Variants in ACTR3C observed in about 807,000 individuals in gnomAD.
ACTR3C encodes the protein actin-related protein 3C.
ACTR3C carries 18 observed loss-of-function variants against 26.3 expected under a neutral mutation model. The observed-to-expected ratio is 0.68, with a 90% confidence interval of 0.47 to 1.01. The LOEUF is 1.01. ACTR3C is among the 50% of genes least tolerant of loss of function. The pLI, the probability that ACTR3C is intolerant of heterozygous loss-of-function variation, is 0.00. For synonymous variants in ACTR3C, 55 were observed against 94.5 expected (o/e 0.58, Z 2.42); for missense variants, 184 against 250.7 (o/e 0.73, Z 1.80).
chr7:150,003,458 G>A, the ACTR3C span, among the ~76,000 whole-genome samples: 9 of 152,274 alleles, frequency 5.9e-5, no homozygotes, highest in Non-Finnish European at 1.2e-4. Flanking sequence ...GGGGTGTGTA[G>A]TATGTGTTGT....
rs759969034 is a variant in ACTR3C, at chr7:150,299,464, C to CAAAAAA, written c.-51-4123_-51-4118dup. ...CTTGGACAACATAGAGACCCCCTCT[C>CAAAAAA]AAAAAAAAAAAAAAAAAAAAAAAAA... is the stretch of plus-strand genomic sequence containing the variant. On this transcript the variant is annotated intron_variant, in intron 1 of 7. Coordinates refer to ENST00000683684, the MANE Select transcript of ACTR3C (RefSeq NM_001164458.2). 7.9e-3 allele frequency among the ~76,000 whole-genome samples: 111 copies of CAAAAAA among 14,112 alleles called. 2 individuals carry two copies. The highest frequency in any genetic ancestry group is 0.012 in the African/African-American group (54 of 4,556). 9.3% of individuals were successfully genotyped at this position (14,112 alleles called of 152,430 possible).
At chr7:150,049,305 C>T in the ACTR3C span, among the ~76,000 whole-genome samples, 10 of 152,110 alleles carry the variant, frequency 6.6e-5, no homozygotes, top group African/African-American at 2.2e-4. Flanking sequence ...CTCGTCCCCA[C>T]GTCCTCCTTG....
chr7:150,234,529 T>C, the ACTR3C span, among the ~76,000 whole-genome samples: 3 of 151,988 alleles, frequency 2.0e-5, no homozygotes, highest in African/African-American at 7.3e-5. Flanking sequence ...ATTCCAAGAG[T>C]GTGACCCCAG....
intron 6 of ACTR3C, among the ~76,000 whole-genome samples, chr7:150,251,286 T>G (rs1832836291): frequency 6.6e-6 from 1 of 152,222 alleles, no homozygotes; most frequent in Non-Finnish European, 1.5e-5. Flanking sequence ...TCTGATTACT[T>G]TATTGGTTGT....
At chr7:150,158,392 T>G in the ACTR3C span, among the ~76,000 whole-genome samples, 1 of 152,140 alleles carries the variant, frequency 6.6e-6, no homozygotes, top group African/African-American at 2.4e-5. Context: ...AAGACATAAC[T>G]GCACTCCCAT....
the ACTR3C span, among the ~76,000 whole-genome samples, chr7:150,036,996 GC>G: frequency 2.9e-3 from 36 of 12,454 alleles, no homozygotes; most frequent in Admixed American, 5.4e-3. Context: ...GGGTGCCTCC[GC>G]CCCCCTGCGA....
intron 6 of ACTR3C, among the ~76,000 whole-genome samples, chr7:150,263,905 C>G (rs1408871632): frequency 3.9e-5 from 6 of 152,182 alleles, no homozygotes; most frequent in Non-Finnish European, 7.3e-5. Context: ...ATGGCTGAAT[C>G]TTTATTTTCA....
chr7:150,015,582 G>C, the ACTR3C span, among the ~76,000 whole-genome samples: 1 of 152,026 alleles, frequency 6.6e-6, no homozygotes, highest in Non-Finnish European at 1.5e-5. Flanking sequence ...ACACTTTCTG[G>C]AGGTTTTGAC....
At chr7:149,941,571 TA>T in the ACTR3C span, among the ~76,000 whole-genome samples, 1 of 152,226 alleles carries the variant, frequency 6.6e-6, no homozygotes, top group African/African-American at 2.4e-5. Context: ...CTCAGCCACA[TA>T]ACCGAGTTCA....
the ACTR3C span, among the ~76,000 whole-genome samples, chr7:150,064,684 ACG>A: frequency 6.7e-6 from 1 of 148,602 alleles, no homozygotes; most frequent in African/African-American, 2.5e-5. Context: ...ACACACACAC[ACG>A]TAATCCTGGC....
chr7:150,308,542 T>A (rs1796005541), intron 1 of ACTR3C, among the ~76,000 whole-genome samples: 1 of 151,994 alleles, frequency 6.6e-6, no homozygotes, highest in Admixed American at 6.6e-5. Context: ...ATGCAGCTCA[T>A]CCCAAATCCT....
At chr7:149,940,960 C>T in the ACTR3C span, among the ~76,000 whole-genome samples, 1 of 151,924 alleles carries the variant, frequency 6.6e-6, no homozygotes, top group East Asian at 1.9e-4. Flanking sequence ...CCTGGGGCCC[C>T]TTAAGTCTAA....
At chr7:150,165,574 A>G in the ACTR3C span, among the ~76,000 whole-genome samples, 1 of 152,088 alleles carries the variant, frequency 6.6e-6, no homozygotes, top group African/African-American at 2.4e-5. Context: ...TTCTCCCACC[A>G]CAAATAGGCT....
the ACTR3C span, among the ~76,000 whole-genome samples, chr7:149,943,703 T>G: frequency 3.7e-4 from 56 of 151,996 alleles, no homozygotes; most frequent in African/African-American, 1.4e-3. Context: ...CAAAACTCCA[T>G]CTTAAAATAA....
the ACTR3C span, among the ~76,000 whole-genome samples, chr7:150,070,602 C>T: frequency 1.3e-5 from 2 of 151,942 alleles, no homozygotes; most frequent in Non-Finnish European, 2.9e-5. Context: ...AGGTGTGCGC[C>T]GCCACGCCTG....
the ACTR3C span, among the ~76,000 whole-genome samples, chr7:150,203,528 A>C: frequency 6.6e-6 from 1 of 152,152 alleles, no homozygotes; most frequent in African/African-American, 2.4e-5. Context: ...TAGCACTGAC[A>C]ATTTACATAC....
the ACTR3C span, among the ~76,000 whole-genome samples, chr7:149,951,494 A>AG: frequency 6.7e-6 from 1 of 149,048 alleles, no homozygotes; most frequent in African/African-American, 2.6e-5. Flanking sequence ...GTTAGAACTC[A>AG]GGGCCCTGTG....
chr7:150,179,281 G>A, the ACTR3C span, among the ~76,000 whole-genome samples: 1 of 143,448 alleles, frequency 7.0e-6, no homozygotes, highest in Non-Finnish European at 1.5e-5. Flanking sequence ...CCAGTCTGAT[G>A]AGGACCAGTC....
the ACTR3C span, among the ~76,000 whole-genome samples, chr7:150,186,052 T>C: frequency 2.0e-5 from 3 of 152,090 alleles, no homozygotes; most frequent in East Asian, 3.9e-4. Flanking sequence ...ACGAAGGCAA[T>C]AGGAGGTCAG....
Sources: allele counts gnomAD v4.1 joint callset (sites outside exome capture counted in the v4.1 genomes callset), GRCh38; gene constraint gnomAD v4.1.1; transcripts MANE v1.5; gene names NCBI Gene and HGNC (gene_info 2026-07-23, HGNC 2026-07-21).